SCRG1: variants seen among roughly 807,000 people sequenced by gnomAD.
SCRG1 encodes the protein stimulator of chondrogenesis 1.
A neutral mutation model predicts 7.7 loss-of-function variants in SCRG1; 3 were observed. That is an observed-to-expected ratio of 0.39 (90% CI 0.18 to 1.01). The LOEUF (loss-of-function observed/expected upper bound fraction) is 1.01. SCRG1 is among the 50% of genes least tolerant of loss of function. The pLI, the probability that SCRG1 is intolerant of heterozygous loss-of-function variation, is 0.36. For synonymous variants in SCRG1, 46 were observed against 41.2 expected, an observed-to-expected ratio of 1.12 and a Z score of -0.44; for missense variants, 110 against 117.2, an observed-to-expected ratio of 0.94 and a Z score of 0.28.
At chr4:173,501,188 G>T in the SCRG1 span, among the ~76,000 whole-genome samples, 2 of 152,214 alleles carry the variant, frequency 1.3e-5, no homozygotes, top group Non-Finnish European at 2.9e-5. The surrounding 1 kb of genome is among the most constrained non-coding windows in gnomAD (Gnocchi z 5.1). Context: ...CACTTCCGGG[G>T]TGCGAGCCAC....
the SCRG1 span, among the ~76,000 whole-genome samples, chr4:173,429,290 A>AC: frequency 7.3e-5 from 9 of 122,868 alleles, no homozygotes; most frequent in Non-Finnish European, 1.8e-4. Flanking sequence ...ATGAGAAAAA[A>AC]AATTTTTTTT....
chr4:173,435,381 G>A, the SCRG1 span, among the ~76,000 whole-genome samples: 1 of 152,176 alleles, frequency 6.6e-6, no homozygotes, highest in Non-Finnish European at 1.5e-5. Context: ...AACCAAGGAG[G>A]TCCTGGCAAG....
intron 1 of SCRG1, among the ~76,000 whole-genome samples, chr4:173,396,741 T>TGTGTGTGTGTGTGTGTGA (rs35823365): frequency 0.014 from 2,011 of 145,590 alleles, 15 homozygotes; most frequent in Non-Finnish European, 0.02. Flanking sequence ...TGTGTGTGTG[T>TGTGTGTGTGTGTGTGTGA]GTGTGTGTAT....
the SCRG1 span, among the ~76,000 whole-genome samples, chr4:173,455,003 C>G: frequency 2.4e-4 from 37 of 152,232 alleles, no homozygotes; most frequent in South Asian, 3.5e-3. Flanking sequence ...ATGTAATAAT[C>G]TTGGCTCCTT....
upstream of SCRG1, among the ~76,000 whole-genome samples, chr4:173,410,190 G>T (rs1028136781): frequency 6.6e-6 from 1 of 152,194 alleles, no homozygotes; most frequent in Non-Finnish European, 1.5e-5. Context: ...GAGCGTAGAG[G>T]TTTGTGGGGA....
the SCRG1 span, among the ~76,000 whole-genome samples, chr4:173,413,857 T>A: frequency 1.3e-5 from 2 of 152,344 alleles, no homozygotes; most frequent in South Asian, 4.1e-4. Flanking sequence ...GTACATTTCA[T>A]TCAGAAGTCT....
chr4:173,483,197 T>G, the SCRG1 span, among the ~76,000 whole-genome samples: 1 of 15,958 alleles, frequency 6.3e-5, no homozygotes, highest in Non-Finnish European at 1.1e-4. Context: ...ATATGATATA[T>G]ATTATATGAT....
At chr4:173,488,039 G>A in the SCRG1 span, among the ~76,000 whole-genome samples, 2 of 151,966 alleles carry the variant, frequency 1.3e-5, no homozygotes, top group Non-Finnish European at 2.9e-5. Context: ...AGGCAGAGTT[G>A]CAGTAAGCCG....
chr4:173,490,022 G>A, the SCRG1 span, among the ~76,000 whole-genome samples: 1 of 152,138 alleles, frequency 6.6e-6, no homozygotes, highest in Non-Finnish European at 1.5e-5. Context: ...TCATAAAGCA[G>A]GTGATTATGG....
chr4:173,439,539 A>C, the SCRG1 span, among the ~76,000 whole-genome samples: 1 of 151,816 alleles, frequency 6.6e-6, no homozygotes, highest in Non-Finnish European at 1.5e-5. Flanking sequence ...TTTTTAATAT[A>C]CATGCATTAT....
In SCRG1 at chr4:173,391,289, C is replaced by T. The variant is rs148503303; in HGVS notation, c.126G>A (p.Pro42=). The part of the protein sequence containing the change: ...ILKDHNCHNL[P]EGVADLTQID... The stretch of plus-strand genomic sequence containing the variant: ...TCTGTGTCAGGTCAGCTACTCCTTC[C>T]GGAAGGTTGTGACAGTTGTGATCTT... The change falls in exon 2 of 3, where the codon CCG becomes CCA. Residue 42 remains proline, a synonymous_variant. Transcript: ENST00000296506. The T allele has an allele frequency of 1.5e-5, 24 of 1,614,036 alleles. No individual in the cohort carries two copies. Among genetic ancestry groups the T allele is most frequent in the Admixed American group, 1.2e-4 (7 of 60,000 alleles).
chr4:173,449,678 C>T, the SCRG1 span, among the ~76,000 whole-genome samples: 1 of 152,212 alleles, frequency 6.6e-6, no homozygotes, highest in Non-Finnish European at 1.5e-5. Flanking sequence ...AGGCACATGC[C>T]ACAGTTCCTT....
At chr4:173,485,015 TAA>T in the SCRG1 span, among the ~76,000 whole-genome samples, 41 of 31,188 alleles carry the variant, frequency 1.3e-3, 4 homozygotes, top group East Asian at 0.012. Context: ...ATATAATATA[TAA>T]TATATAATAT....
At chr4:173,503,163 C>T in the SCRG1 span, among the ~76,000 whole-genome samples, 7 of 152,162 alleles carry the variant, frequency 4.6e-5, no homozygotes, top group African/African-American at 7.2e-5. This position sits in a 1 kb window ranked among gnomAD's most constrained non-coding sequence, Gnocchi z 6.4. Context: ...CCAGCTTGAC[C>T]CTGTGTCGTT....
At chr4:173,391,921 C>G (rs1276458358) in intron 1 of SCRG1, among the ~76,000 whole-genome samples, 3 of 152,178 alleles carry the variant, frequency 2.0e-5, no homozygotes, top group Non-Finnish European at 4.4e-5. Flanking sequence ...CACACACACA[C>G]AGTCACGCAC....
chr4:173,416,911 A>AACACACACACAC, the SCRG1 span, among the ~76,000 whole-genome samples: 380 of 125,224 alleles, frequency 3.0e-3, 18 homozygotes, highest in African/African-American at 0.011. Flanking sequence ...CACACACCCA[A>AACACACACACAC]ACACACACAC....
chr4:173,416,303 G>A, the SCRG1 span, among the ~76,000 whole-genome samples: 1 of 152,350 alleles, frequency 6.6e-6, no homozygotes, highest in Non-Finnish European at 1.5e-5. Context: ...CGGCTCAGAC[G>A]CCTGTGCGCA....
At chr4:173,506,914 G>C in the SCRG1 span, among the ~76,000 whole-genome samples, 1,450 of 152,262 alleles carry the variant, frequency 9.5e-3, 23 homozygotes, top group African/African-American at 0.029. This position sits in a 1 kb window ranked among gnomAD's most constrained non-coding sequence, Gnocchi z 5.3. Context: ...CTCCCCGGCC[G>C]GGCTCGCTGT....
the SCRG1 span, among the ~76,000 whole-genome samples, chr4:173,492,310 G>A: frequency 6.6e-6 from 1 of 152,110 alleles, no homozygotes; most frequent in Non-Finnish European, 1.5e-5. Flanking sequence ...TGGTGAAAGA[G>A]GCAGCATGAG....
Sources: allele counts gnomAD v4.1 joint callset (sites outside exome capture counted in the v4.1 genomes callset), GRCh38; gene constraint gnomAD v4.1.1; non-coding constraint Gnocchi (gnomAD v3.1); transcripts MANE v1.5; gene names NCBI Gene and HGNC (gene_info 2026-07-23, HGNC 2026-07-21).